Variants in RFX3 observed in about 807,000 individuals in gnomAD.
The protein encoded by RFX3 is regulatory factor X3, also known as transcription factor RFX3.
RFX3 carries 14 observed loss-of-function variants against 98.6 expected under a neutral mutation model. That is an observed-to-expected ratio of 0.14 (90% confidence interval 0.09 to 0.22). The LOEUF is 0.22. Ranked by LOEUF, RFX3 falls within the 10% of genes least tolerant of loss-of-function variation. The pLI is 1.00. For synonymous variants in RFX3, 383 were observed against 328.4 expected (o/e 1.17, Z -1.80); for missense variants, 639 against 926.9 (o/e 0.69, Z 4.03).
chr9:3,445,211 TTGTC>T lies in RFX3; in HGVS notation c.-8-49619_-8-49616del, dbSNP rs1402828221. ...ATAAACATAGTTTTCAAATGTGTAT[TTGTC>T]TGTTTGTATTTTTCATAAAGTAAGT... On this transcript the variant is annotated intron_variant, in intron 1 of 16. Transcript: ENST00000617270. 5.3e-5 allele frequency among the ~76,000 whole-genome samples: 8 copies of T among 151,726 alleles called. No individual in the cohort carries two copies. In the South Asian group the frequency reaches 1.5e-3, roughly 28 times the overall value.
chr9:3,417,859 T>A (rs772411712), intron 1 of RFX3, among the ~76,000 whole-genome samples: 5 of 152,180 alleles, frequency 3.3e-5, no homozygotes, highest in Non-Finnish European at 7.4e-5. Flanking sequence ...GAAGAACATA[T>A]GATTTGCTTA....
chr9:3,438,506 C>A (rs1336879444), intron 1 of RFX3, among the ~76,000 whole-genome samples: 1 of 151,700 alleles, frequency 6.6e-6, no homozygotes, highest in East Asian at 1.9e-4. Context: ...GAACAAATGG[C>A]AAGATGACAA....
intron 3 of RFX3, among the ~76,000 whole-genome samples, chr9:3,338,954 T>C (rs771187995): frequency 2.0e-5 from 3 of 151,910 alleles, no homozygotes; most frequent in South Asian, 4.2e-4. Flanking sequence ...CCGGGCGTGG[T>C]GGCGTGTGGC....
intron 1 of RFX3, among the ~76,000 whole-genome samples, chr9:3,474,743 G>A (rs1196829512): frequency 6.6e-6 from 1 of 152,140 alleles, no homozygotes; most frequent in Admixed American, 6.5e-5. Flanking sequence ...ATCAAAGACA[G>A]GTTTGCAACA....
intron 1 of RFX3, among the ~76,000 whole-genome samples, chr9:3,463,967 T>C (rs1238508237): frequency 6.6e-6 from 1 of 151,418 alleles, no homozygotes; most frequent in African/African-American, 2.4e-5. Context: ...AAAATGAAAA[T>C]AAAAAATAGG....
In RFX3 at chr9:3,223,078, T is replaced by G. The variant is rs1817428795; in HGVS notation, c.*1964A>C. On this transcript the variant is annotated 3_prime_UTR_variant, in exon 17 of 17. Transcript: ENST00000617270. ...CGTCTTTCCAACCCCCCACCCCCCT[T>G]ACCCCAATACCACTGGAAAGATAAA... 6.6e-6 allele frequency: 1 copy of G among 151,774 alleles called. No homozygotes were observed. Among genetic ancestry groups the G allele is most frequent in the African/African-American group, 2.4e-5 (1 of 41,368 alleles). 9.4% of individuals were successfully genotyped at this position (151,774 alleles called of 1,614,324 possible). A position where few individuals can be genotyped will look rare whatever the true frequency, so the allele number is the denominator to read the frequency against.
chr9:3,446,998 G>A (rs1251280431), intron 1 of RFX3, among the ~76,000 whole-genome samples: 1 of 151,892 alleles, frequency 6.6e-6, no homozygotes, highest in Non-Finnish European at 1.5e-5. Context: ...CAATCTTCTG[G>A]GTGACAACAA....
chr9:3,432,249 T>C (rs1298874318), intron 1 of RFX3, among the ~76,000 whole-genome samples: 2 of 152,128 alleles, frequency 1.3e-5, no homozygotes, highest in African/African-American at 4.8e-5. Context: ...ATGAGTTCAG[T>C]ACCAAAGGCA....
intron 2 of RFX3, among the ~76,000 whole-genome samples, chr9:3,358,380 G>A (rs1332270920): frequency 6.6e-6 from 1 of 152,014 alleles, no homozygotes; most frequent in Admixed American, 6.6e-5. Context: ...TTCATCAAGG[G>A]TCCCTTAAAA....
intron 2 of RFX3, among the ~76,000 whole-genome samples, chr9:3,376,108 G>A (rs149919987): frequency 1.3e-4 from 20 of 152,276 alleles, no homozygotes; most frequent in Admixed American, 1.3e-3. Context: ...AGTCATCAGA[G>A]AAATACGGAT....
intron 15 of RFX3, among the ~76,000 whole-genome samples, chr9:3,244,363 G>A (rs149524571): frequency 3.5e-4 from 53 of 152,262 alleles, no homozygotes; most frequent in African/African-American, 1.2e-3. Context: ...TAGATCTGTG[G>A]TGAGTTATTA....
chr9:3,334,274 C>T (rs747001831), intron 3 of RFX3, among the ~76,000 whole-genome samples: 1 of 150,886 alleles, frequency 6.6e-6, no homozygotes, highest in Non-Finnish European at 1.5e-5. Context: ...CAGAATGAGG[C>T]CTGTAGATGA....
intron 1 of RFX3, among the ~76,000 whole-genome samples, chr9:3,504,150 CATATT>C (rs1424677018): frequency 1.0e-5 from 1 of 99,744 alleles, no homozygotes; most frequent in Admixed American, 1.1e-4. Flanking sequence ...ATATATTATA[CATATT>C]ATATATTATA....
chr9:3,464,337 T>C (rs1360154861), intron 1 of RFX3, among the ~76,000 whole-genome samples: 1 of 152,220 alleles, frequency 6.6e-6, no homozygotes, highest in African/African-American at 2.4e-5. Context: ...TGCATAACAC[T>C]GTGTTTGTAT....
chr9:3,430,504 C>A (rs915958395), intron 1 of RFX3, among the ~76,000 whole-genome samples: 1 of 152,178 alleles, frequency 6.6e-6, no homozygotes, highest in Non-Finnish European at 1.5e-5. Flanking sequence ...GCCTCAAAGG[C>A]ACTTGGTAAA....
At chr9:3,514,674 C>G (rs1587912817) in intron 1 of RFX3, among the ~76,000 whole-genome samples, 1 of 152,154 alleles carries the variant, frequency 6.6e-6, no homozygotes, top group Non-Finnish European at 1.5e-5. Flanking sequence ...GTCTTGAACT[C>G]CTGGGCTCAA....
intron 1 of RFX3, among the ~76,000 whole-genome samples, chr9:3,504,924 ATAT>A (rs1468660056): frequency 2.7e-5 from 2 of 74,224 alleles, no homozygotes; most frequent in Non-Finnish European, 4.4e-5. Context: ...AATATAACAT[ATAT>A]TATATATAAT....
At chr9:3,268,098 T>C (rs1788157121) in intron 11 of RFX3, among the ~76,000 whole-genome samples, 1 of 151,890 alleles carries the variant, frequency 6.6e-6, no homozygotes, top group Non-Finnish European at 1.5e-5. Flanking sequence ...CTGGTTATAC[T>C]TCCAATTGTA....
intron 1 of RFX3, among the ~76,000 whole-genome samples, chr9:3,479,927 GAA>G (rs1378898198): frequency 1.3e-5 from 2 of 152,210 alleles, no homozygotes; most frequent in Non-Finnish European, 2.9e-5. Context: ...TTCTGGAAGA[GAA>G]AAGAGTTGTT....
Sources: allele counts gnomAD v4.1 joint callset (sites outside exome capture counted in the v4.1 genomes callset), GRCh38; gene constraint gnomAD v4.1.1; transcripts MANE v1.5; gene names NCBI Gene and HGNC (gene_info 2026-07-23, HGNC 2026-07-21).